Variants in SUSD5 observed in about 807,000 individuals in gnomAD.
SUSD5 encodes sushi domain-containing protein 5.
A neutral mutation model predicts 29.5 loss-of-function variants in SUSD5; 33 were observed. The ratio of observed to expected loss-of-function variants is 1.12; its 90% confidence interval spans 0.85 to 1.49. SUSD5 has a LOEUF of 1.49. Among genes scored for constraint, SUSD5 ranks in the 40% most tolerant of loss-of-function variants. SUSD5 has a pLI of 0.00. For missense variants in SUSD5, 776 were observed against 800.6 expected, an observed-to-expected ratio of 0.97 and a Z score of 0.37; for synonymous variants, 308 against 325.3, an observed-to-expected ratio of 0.95 and a Z score of 0.57.
chr3:33,218,599 G>C (rs979726796), intron 1 of SUSD5, 87 bp downstream of exon 1: 34 of 1,159,500 alleles, frequency 2.9e-5, no homozygotes, highest in Non-Finnish European at 3.6e-5. Flanking sequence ...TGCCGGGCCG[G>C]TCAGAGGGAG....
intron 4 of SUSD5, among the ~76,000 whole-genome samples, chr3:33,157,231 G>A (rs781331089): frequency 1.3e-4 from 20 of 152,166 alleles, no homozygotes; most frequent in Admixed American, 9.8e-4. Context: ...TCCCTCCCCC[G>A]TTGGAGCATA....
intron 4 of SUSD5, among the ~76,000 whole-genome samples, chr3:33,159,353 C>T (rs1292247837): frequency 6.6e-6 from 1 of 152,208 alleles, no homozygotes. Context: ...TCTTCCAGCA[C>T]CTCAGAGTAT....
At chr3:33,159,124 T>G (rs1383617315) in intron 4 of SUSD5, among the ~76,000 whole-genome samples, 1 of 152,180 alleles carries the variant, frequency 6.6e-6, no homozygotes, top group Non-Finnish European at 1.5e-5. Context: ...GGAACAACAT[T>G]TGCACAGAGC....
At chr3:33,173,483 T>C (rs943252233) in intron 4 of SUSD5, among the ~76,000 whole-genome samples, 12 of 152,158 alleles carry the variant, frequency 7.9e-5, no homozygotes, top group Non-Finnish European at 1.0e-4. Flanking sequence ...CAACAGCTGA[T>C]TGGATAAATA....
intron 3 of SUSD5, among the ~76,000 whole-genome samples, chr3:33,205,325 A>G (rs1332353402): frequency 1.3e-5 from 2 of 152,222 alleles, no homozygotes; most frequent in Non-Finnish European, 2.9e-5. Context: ...TTCTTAATCT[A>G]GAACAGTTGC....
chr3:33,218,256 C>A (rs1458010929), intron 1 of SUSD5, among the ~76,000 whole-genome samples: 9 of 152,210 alleles, frequency 5.9e-5, no homozygotes, highest in Admixed American at 5.2e-4. Context: ...CTTCCCGGAC[C>A]AAGCCAAAAT....
chr3:33,174,520 G>A (rs1011997485), intron 4 of SUSD5, among the ~76,000 whole-genome samples: 2 of 152,118 alleles, frequency 1.3e-5, no homozygotes, highest in African/African-American at 2.4e-5. Flanking sequence ...TACCAATTGG[G>A]GGTCATTTTC....
chr3:33,213,635 A>G (rs2032365583), intron 2 of SUSD5, among the ~76,000 whole-genome samples: 5 of 151,550 alleles, frequency 3.3e-5, no homozygotes, highest in Admixed American at 6.6e-5. Flanking sequence ...TTAGCTGGGC[A>G]TGGTGGCACA....
chr3:33,179,279 T>A (rs1484104104), intron 3 of SUSD5, among the ~76,000 whole-genome samples: 1 of 152,164 alleles, frequency 6.6e-6, no homozygotes. Context: ...TTTAAAAGCA[T>A]AACCAATTGT....
chr3:33,212,648 T>C (rs1036570534), intron 2 of SUSD5, among the ~76,000 whole-genome samples: 7 of 152,212 alleles, frequency 4.6e-5, no homozygotes, highest in African/African-American at 1.7e-4. Flanking sequence ...GGCTAGGACA[T>C]TGGTTAGGGC....
intron 2 of SUSD5, among the ~76,000 whole-genome samples, chr3:33,211,141 G>A (rs1047847734): frequency 5.9e-5 from 9 of 152,084 alleles, no homozygotes; most frequent in Non-Finnish European, 8.8e-5. Context: ...TAATCTGCCC[G>A]CCGTGGCCTC....
intron 4 of SUSD5, among the ~76,000 whole-genome samples, chr3:33,159,384 G>A (rs534344713): frequency 7.2e-5 from 11 of 152,216 alleles, no homozygotes; most frequent in Admixed American, 4.6e-4. Context: ...GACAAGTCTC[G>A]CTGTAACCTC....
At chr3:33,191,492 G>A (rs916933508) in intron 3 of SUSD5, among the ~76,000 whole-genome samples, 2 of 151,956 alleles carry the variant, frequency 1.3e-5, no homozygotes, top group Admixed American at 1.3e-4. Context: ...CAGTTACTGA[G>A]CCCTCAGAGC....
chr3:33,211,892 C>A (rs2032330263), intron 2 of SUSD5, among the ~76,000 whole-genome samples: 1 of 152,090 alleles, frequency 6.6e-6, no homozygotes, highest in African/African-American at 2.4e-5. Flanking sequence ...GTTCTATAAT[C>A]TACTTTGAGT....
intron 3 of SUSD5, among the ~76,000 whole-genome samples, chr3:33,184,208 G>A (rs985449814): frequency 5.3e-5 from 8 of 151,932 alleles, no homozygotes; most frequent in African/African-American, 1.7e-4. Context: ...CCAAAGTGCT[G>A]GGATTTAAGG....
intron 2 of SUSD5, among the ~76,000 whole-genome samples, chr3:33,211,683 T>C (rs560990887): frequency 1.3e-5 from 2 of 152,364 alleles, no homozygotes; most frequent in South Asian, 4.1e-4. Flanking sequence ...GTGCCTTGTT[T>C]GCTTTCACAT....
chr3:33,213,341 C>T (rs2032357968), intron 2 of SUSD5, among the ~76,000 whole-genome samples: 1 of 151,878 alleles, frequency 6.6e-6, no homozygotes, highest in African/African-American at 2.4e-5. Flanking sequence ...GATGTTGAGG[C>T]TGCAGTGAGC....
intron 4 of SUSD5, among the ~76,000 whole-genome samples, chr3:33,168,345 T>C (rs372753327): frequency 1.3e-4 from 20 of 152,402 alleles, no homozygotes; most frequent in African/African-American, 4.6e-4. Context: ...AATAAACCTC[T>C]GAACAAATAT....
intron 3 of SUSD5, among the ~76,000 whole-genome samples, chr3:33,199,063 C>T (rs2032050901): frequency 6.6e-6 from 1 of 152,086 alleles, no homozygotes. Flanking sequence ...TTTAAAGCTA[C>T]ATAAGAAATG....
Sources: gnomAD v4.1 joint callset for allele counts (sites outside exome capture counted in the v4.1 genomes callset) on GRCh38, gnomAD v4.1.1 for gene constraint, MANE v1.5 for transcripts, NCBI Gene and HGNC (gene_info 2026-07-23, HGNC 2026-07-21) for gene names.